Variants in PHF20L1 observed in about 807,000 individuals in gnomAD.
The protein encoded by PHF20L1 is PHD finger protein 20-like protein 1.
PHF20L1 carries 44 observed loss-of-function variants against 125.5 expected under a neutral mutation model. The ratio of observed to expected loss-of-function variants is 0.35; its 90% confidence interval spans 0.28 to 0.45. PHF20L1 has a LOEUF of 0.45. PHF20L1 is among the 20% of genes least tolerant of loss of function. The pLI is 1.00. For missense variants in PHF20L1, 1,012 were observed against 1,217.2 expected, an observed-to-expected ratio of 0.83 and a Z score of 2.51; for synonymous variants, 380 against 403.1, an observed-to-expected ratio of 0.94 and a Z score of 0.69.
In PHF20L1 at chr8:132,817,110, T is replaced by G. The variant is rs373161614; in HGVS notation, c.1372+34T>G. ...TATTGATTTCCTATAGAACCAAACA[T>G]AAAAGAAGATAAAGAAAAAACTAAG... On this transcript the variant is annotated intron_variant, in intron 11 of 20. Coordinates refer to ENST00000395386, the MANE Select transcript of PHF20L1 (RefSeq NM_016018.5). 202 of 1,281,404 alleles carry G rather than the reference T, an allele frequency of 1.6e-4. No individual in the cohort carries two copies. The Middle Eastern group carries it at 6.6e-3, about 42-fold the overall frequency. 79.4% of individuals were successfully genotyped at this position (1,281,404 alleles called of 1,614,324 possible).
Position 132,827,860 on chromosome 8 carries a change from T to C in PHF20L1, c.1744+2489T>C, listed in dbSNP as rs376044695. Among the ~76,000 whole-genome samples the C allele has an allele frequency of 5.7e-4, 86 of 152,180 alleles. 1 individual carries two copies. Among genetic ancestry groups the C allele is most frequent in the African/African-American group, 2.0e-3 (84 of 41,566 alleles). On this transcript the variant is annotated intron_variant, in intron 14 of 20. Coordinates refer to ENST00000395386, the MANE Select transcript of PHF20L1 (RefSeq NM_016018.5). ...CAAATGAAAATCTTAACTTTGTAAA[T>C]AGAGTCCTAGTAAGATGCACAGAAA...
intron 9 of PHF20L1, 174 bp downstream of exon 9, chr8:132,811,302 T>C (rs1288974686): frequency 1.3e-5 from 18 of 1,343,584 alleles, no homozygotes; most frequent in Non-Finnish European, 1.1e-5. Context: ...AACTACAGAC[T>C]TCATTAGTGT....
intron 18 of PHF20L1, 149 bp from the exon 19 acceptor site, chr8:132,842,366 A>T (rs1304735234): frequency 1.1e-5 from 6 of 552,516 alleles, no homozygotes; most frequent in Non-Finnish European, 1.5e-5. Context: ...GGATGAAATC[A>T]TGGAGGGAGT....
chr8:132,817,045 T>C lies in PHF20L1; in HGVS notation c.1341T>C (p.Ser447=), dbSNP rs1333929656. The part of the protein sequence containing the change: ...ATDGKVFSIS[S]QNQQESSVPE... ...ATGGGAAAGTATTCTCCATCAGTTC[T>C]CAAAATCAGCAAGAATCTTCAGTAC... Residue 447 remains serine (S), a synonymous_variant, in exon 11 of 21, where the codon TCT becomes TCC. Coordinates refer to ENST00000395386, the MANE Select transcript of PHF20L1 (RefSeq NM_016018.5). The C allele has an allele frequency of 6.3e-7, 1 of 1,593,672 alleles. No individual in the cohort carries two copies.
At chr8:132,843,344 A>G (rs1250817627) in intron 19 of PHF20L1, 1 of 979,704 alleles carries the variant, frequency 1.0e-6, no homozygotes, top group Non-Finnish European at 1.2e-6. Context: ...ATCTATGTGC[A>G]TTGGACATCT....
chr8:132,841,851 A>G (rs529245933), intron 18 of PHF20L1: 13 of 152,248 alleles, frequency 8.5e-5, no homozygotes, highest in African/African-American at 3.1e-4. Flanking sequence ...GTACACAAAC[A>G]TATAATGGTA....
At chr8:132,843,472 G>A in intron 19 of PHF20L1, 4 of 980,966 alleles carry the variant, frequency 4.1e-6, no homozygotes, top group Non-Finnish European at 4.8e-6. Flanking sequence ...TCCTTAACAA[G>A]TAATTACCAT....
intron 15 of PHF20L1, 34 bp from the exon 16 acceptor site, chr8:132,836,506 G>A: frequency 7.3e-7 from 1 of 1,362,958 alleles, no homozygotes; most frequent in Admixed American, 2.1e-5. Flanking sequence ...AAATAGAAAA[G>A]TTGTTCTAAG....
chr8:132,787,570 C>T (rs936649613), intron 2 of PHF20L1, among the ~76,000 whole-genome samples: 4 of 152,060 alleles, frequency 2.6e-5, no homozygotes, highest in African/African-American at 9.7e-5. Context: ...AATTTTTAGA[C>T]TATTTTGTAT....
At chr8:132,816,818 T>C (rs1288318048) in intron 10 of PHF20L1, 70 bp from the exon 11 acceptor site, 2 of 991,096 alleles carry the variant, frequency 2.0e-6, no homozygotes, top group African/African-American at 1.6e-5. Context: ...TTTTCCCATT[T>C]ATCTCCTTAA....
At position 132,845,989 on chromosome 8, in the gene PHF20L1, A is replaced by T; in HGVS notation, c.*66A>T. ...TCAAAGCATTTTTATTATCCACGTG[A>T]TGGCTAAGTGGATAATTTAAAAGCT... On this transcript the variant is annotated 3_prime_UTR_variant, in exon 21 of 21. Coordinates refer to ENST00000395386, the MANE Select transcript of PHF20L1 (RefSeq NM_016018.5). 8.3e-7 allele frequency: 1 copy of T among 1,211,672 alleles called. No homozygotes were observed. The highest frequency in any genetic ancestry group is 1.2e-6 in the Non-Finnish European group (1 of 838,252). The allele number at this position is 1,211,672 out of a possible 1,614,324, so 75.1% of individuals were successfully genotyped here. A position where few individuals can be genotyped will look rare whatever the true frequency, so the allele number is the denominator to read the frequency against.
Position 132,847,370 on chromosome 8 carries a change from T to G in PHF20L1, c.*1447T>G, listed in dbSNP as rs1838494338. ...AGACTGTTAAGAGGAGGCTATTTGA[T>G]GACATAACACTTGAATATTTTATGC... On this transcript the variant is annotated 3_prime_UTR_variant, in exon 21 of 21. Transcript: ENST00000395386. 2 of 152,620 alleles carry G rather than the reference T, an allele frequency of 1.3e-5. No individual in the cohort carries two copies. 9.5% of individuals were successfully genotyped at this position (152,620 alleles called of 1,614,324 possible).
chr8:132,775,406 AGGCGGCGGCGGC>A lies in PHF20L1; in HGVS notation c.-269_-258del, dbSNP rs3832583. 7.6e-4 allele frequency: 290 copies of A among 382,656 alleles called. No individual in the cohort carries two copies. The East Asian group carries it at 8.3e-3, about 11-fold the overall frequency. 23.7% of individuals were successfully genotyped at this position (382,656 alleles called of 1,614,324 possible). A position where few individuals can be genotyped will look rare whatever the true frequency, so the allele number is the denominator to read the frequency against. ...TCGCGTCAGGGCTGGCCGGCGGCGG[AGGCGGCGGCGGC>A]GGCGGCGATGGCAGCGGACCCTGAG... On this transcript the variant is annotated 5_prime_UTR_variant, in exon 1 of 21. Transcript: ENST00000395386.
intron 14 of PHF20L1, among the ~76,000 whole-genome samples, chr8:132,827,489 T>C (rs1836308413): frequency 6.6e-6 from 1 of 152,008 alleles, no homozygotes. Context: ...TGTTCTGATA[T>C]TTAGTAGCAG....
chr8:132,807,887 G>T, intron 8 of PHF20L1: 2 of 371,212 alleles, frequency 5.4e-6, no homozygotes, highest in East Asian at 8.0e-5. Flanking sequence ...ATCCCATAGG[G>T]GTATTCTTCT....
At chr8:132,782,870 C>G (rs1048517064) in intron 2 of PHF20L1, among the ~76,000 whole-genome samples, 1 of 151,766 alleles carries the variant, frequency 6.6e-6, no homozygotes, top group African/African-American at 2.4e-5. Flanking sequence ...CTTGTTCTTC[C>G]AAAGTTGTAG....
rs1210337868 is a variant in PHF20L1 at position 132,803,896 on chromosome 8, T to C, written c.585T>C (p.Ala195=). 5.0e-6 allele frequency: 8 copies of C among 1,610,464 alleles called. No homozygotes were observed. The highest frequency in any genetic ancestry group is 2.2e-5 in the East Asian group (1 of 44,720). ...NKTGSKPRTS[A]NSNKDKDKDE... ...CAGGGAGTAAACCTCGAACCAGCGC[T>C]AACAGCAATAAAGATAAGGATAAAG... Residue 195 remains alanine (A), a synonymous_variant, in exon 7 of 21, where the codon GCT becomes GCC. Coordinates refer to ENST00000395386, the MANE Select transcript of PHF20L1 (RefSeq NM_016018.5).
At chr8:132,829,478 T>C (rs1836537257) in intron 14 of PHF20L1, among the ~76,000 whole-genome samples, 1 of 152,114 alleles carries the variant, frequency 6.6e-6, no homozygotes. Flanking sequence ...ATTTAATAAA[T>C]GTCCTTTCCA....
At position 132,836,563 on chromosome 8, in the gene PHF20L1, G is replaced by A. The variant is rs1376344109; in HGVS notation, c.1933G>A (p.Asp645Asn). The A allele has an allele frequency of 1.6e-5, 26 of 1,610,406 alleles. No individual in the cohort carries two copies. Among genetic ancestry groups the A allele is most frequent in the African/African-American group, 2.7e-5 (2 of 74,790 alleles). ...GENLSDVDFL[D>N]DSSTESLLLS... The stretch of plus-strand genomic sequence containing the variant: ...AGACTTATCAGATGTAGACTTCCTA[G>A]ATGATTCTTCAACGGAGAGTTTGCT... The change falls in exon 16 of 21, where the codon GAT becomes AAT. Residue 645 changes from aspartate (D) to asparagine (N), a missense_variant. Asp to Asn is a conservative substitution (Grantham distance 23). Transcript: ENST00000395386.
Sources: allele counts gnomAD v4.1 joint callset (sites outside exome capture counted in the v4.1 genomes callset), GRCh38; gene constraint gnomAD v4.1.1; transcripts MANE v1.5; gene names NCBI Gene and HGNC (gene_info 2026-07-23, HGNC 2026-07-21).